Variants in TAOK3 observed in about 807,000 individuals in gnomAD.
TAOK3 encodes TAO kinase 3.
TAOK3 carries 40 observed loss-of-function variants against 120.4 expected under a neutral mutation model. That is an observed-to-expected ratio of 0.33 (90% CI 0.26 to 0.43). The LOEUF (loss-of-function observed/expected upper bound fraction) is 0.43. TAOK3 is among the 20% of genes least tolerant of loss of function. The probability of loss-of-function intolerance (pLI) is 1.00; values close to 1 mark genes in which losing one functional copy is unlikely to be tolerated. For missense variants in TAOK3, 821 were observed against 1,112.1 expected (o/e 0.74, Z 3.72); for synonymous variants, 355 against 387.5 (o/e 0.92, Z 0.99).
chr12:118,172,318 A>T lies in TAOK3; in HGVS notation c.1899+139T>A. ...GTTCATTCCCTGACTTTTTTTGTAT[A>T]CCTACTCTGTGTTAGCCACTGTGCT... On this transcript the variant is annotated intron_variant, in intron 17 of 20. Coordinates refer to ENST00000392533, the MANE Select transcript of TAOK3 (RefSeq NM_016281.4). The T allele has an allele frequency of 4.7e-6, 4 of 845,184 alleles. No individual in the cohort carries two copies. In the Admixed American group the frequency reaches 7.6e-5, roughly 16 times the overall value. The allele number at this position is 845,184 out of a possible 1,614,324, so 52.4% of individuals were successfully genotyped here.
intron 5 of TAOK3, among the ~76,000 whole-genome samples, chr12:118,239,484 A>G (rs922700191): frequency 6.6e-6 from 1 of 152,142 alleles, no homozygotes; most frequent in African/African-American, 2.4e-5. Context: ...AAATTGGCCT[A>G]AAGATTATTG....
chr12:118,298,382 A>G (rs908546828), intron 1 of TAOK3, among the ~76,000 whole-genome samples: 1 of 152,228 alleles, frequency 6.6e-6, no homozygotes, highest in Non-Finnish European at 1.5e-5. Context: ...TCCACGGACT[A>G]TACTGAATTG....
rs141414196 is a variant in TAOK3 at position 118,333,286 on chromosome 12, G to A, written c.-194+39362C>T. The stretch of plus-strand genomic sequence containing the variant: ...AACAACTAAAAATCATACTGAATAT[G>A]TCTTCTGATCATAATGAAATCAAAC... On this transcript the variant is annotated intron_variant, in intron 1 of 20. Coordinates refer to ENST00000392533, the MANE Select transcript of TAOK3 (RefSeq NM_016281.4). Among the ~76,000 whole-genome samples the A allele has an allele frequency of 4.7e-3, 717 of 152,254 alleles. 8 individuals carry two copies. Among genetic ancestry groups the A allele is most frequent in the Non-Finnish European group, 7.4e-3 (506 of 68,018 alleles).
chr12:118,209,523 C>G (rs369093774), intron 11 of TAOK3, among the ~76,000 whole-genome samples: 1 of 152,034 alleles, frequency 6.6e-6, no homozygotes, highest in African/African-American at 2.4e-5. Context: ...CTCAGCCACT[C>G]GATTAGCTGG....
rs568610990 is a variant in TAOK3 at position 118,169,323 on chromosome 12, C to G, written c.1899+3134G>C. ...GCCACCACGCCCACCCCCACCCCCC[C>G]CCCTTTTTTTTTAAAGACAGTCTCA... On this transcript the variant is annotated intron_variant, in intron 17 of 20. Coordinates refer to ENST00000392533, the MANE Select transcript of TAOK3 (RefSeq NM_016281.4). Among the ~76,000 whole-genome samples the G allele has an allele frequency of 5.8e-4, 61 of 104,982 alleles. 1 individual carries two copies. Among genetic ancestry groups the G allele is most frequent in the Non-Finnish European group, 1.0e-3 (54 of 52,824 alleles). 68.9% of individuals were successfully genotyped at this position (104,982 alleles called of 152,430 possible). A position where few individuals can be genotyped will look rare whatever the true frequency, so the allele number is the denominator to read the frequency against.
chr12:118,172,675 C>A lies in TAOK3; in HGVS notation c.1696-15G>T. The A allele has an allele frequency of 1.2e-6, 2 of 1,610,578 alleles. No individual in the cohort carries two copies. The highest frequency in any genetic ancestry group is 1.7e-6 in the Non-Finnish European group (2 of 1,177,356). On this transcript the variant is annotated splice_polypyrimidine_tract_variant and intron_variant, in intron 16 of 20. Transcript: ENST00000392533. ...TCATTCATTTCCTAAAAAGAACAGA[C>A]AAAAACCAAGCCAGCCTTACTAAAT...
intron 9 of TAOK3, among the ~76,000 whole-genome samples, chr12:118,226,395 G>A (rs1207482602): frequency 6.6e-6 from 1 of 151,848 alleles, no homozygotes; most frequent in Admixed American, 6.6e-5. Flanking sequence ...TTAGCCGGGC[G>A]TGGTGGCAGG....
chr12:118,253,132 T>A (rs928600449), intron 3 of TAOK3, among the ~76,000 whole-genome samples: 1 of 152,088 alleles, frequency 6.6e-6, no homozygotes, highest in Non-Finnish European at 1.5e-5. Flanking sequence ...GCAGAAGTAA[T>A]GGTAGGGCTG....
intron 1 of TAOK3, among the ~76,000 whole-genome samples, chr12:118,284,376 G>A (rs557285101): frequency 9.7e-4 from 148 of 152,300 alleles, no homozygotes; most frequent in Non-Finnish European, 1.6e-3. Context: ...ATGGTTCCAT[G>A]AGTGTGGAGG....
At chr12:118,184,260 A>G (rs1026024610) in intron 14 of TAOK3, among the ~76,000 whole-genome samples, 1 of 152,198 alleles carries the variant, frequency 6.6e-6, no homozygotes, top group African/African-American at 2.4e-5. Flanking sequence ...AGAGATACTA[A>G]GCTTTATAAT....
chr12:118,323,233 C>A (rs1362615723), intron 1 of TAOK3, among the ~76,000 whole-genome samples: 1 of 151,978 alleles, frequency 6.6e-6, no homozygotes, highest in African/African-American at 2.4e-5. Context: ...TGAGATCTGG[C>A]AATGAAATAG....
At chr12:118,209,887 T>C (rs1486281528) in intron 11 of TAOK3, among the ~76,000 whole-genome samples, 1 of 151,762 alleles carries the variant, frequency 6.6e-6, no homozygotes. Flanking sequence ...CTAATTTTTG[T>C]AGAGATGGGG....
chr12:118,185,204 AAATAAACAAAT>A (rs1176927396), intron 14 of TAOK3, among the ~76,000 whole-genome samples: 6 of 152,240 alleles, frequency 3.9e-5, no homozygotes, highest in Non-Finnish European at 8.8e-5. Flanking sequence ...AGAATATGAA[AAATAAACAAAT>A]AATAAATAAT....
intron 1 of TAOK3, among the ~76,000 whole-genome samples, chr12:118,351,820 T>G (rs1246443993): frequency 2.0e-5 from 3 of 151,428 alleles, no homozygotes; most frequent in African/African-American, 7.3e-5. Flanking sequence ...ATAAAAATGC[T>G]TCTTGGTTGT....
At chr12:118,291,805 A>C (rs1443628261) in intron 1 of TAOK3, among the ~76,000 whole-genome samples, 1 of 152,146 alleles carries the variant, frequency 6.6e-6, no homozygotes, top group Non-Finnish European at 1.5e-5. Flanking sequence ...TGTATACTAC[A>C]TATGAAATGA....
At chr12:118,167,594 A>C (rs1440439233) in intron 17 of TAOK3, among the ~76,000 whole-genome samples, 5 of 152,042 alleles carry the variant, frequency 3.3e-5, no homozygotes, top group Non-Finnish European at 7.4e-5. Flanking sequence ...AAAAAGAGTT[A>C]CAAAACAGTG....
intron 3 of TAOK3, among the ~76,000 whole-genome samples, chr12:118,253,986 C>T (rs1027430096): frequency 6.7e-5 from 10 of 149,182 alleles, no homozygotes; most frequent in Admixed American, 4.7e-4. Context: ...ATCCAGGAGG[C>T]GGAGGTTGCA....
chr12:118,177,401 G>A lies in TAOK3; in HGVS notation c.1567-72C>T, dbSNP rs1157232335. On this transcript the variant is annotated intron_variant, in intron 15 of 20. Coordinates refer to ENST00000392533, the MANE Select transcript of TAOK3 (RefSeq NM_016281.4). ...AGAATTCAGTGATCTATATTCTCCA[G>A]TGCAGTAAGACAGTCCATGAGTGCT... 5.1e-6 allele frequency: 7 copies of A among 1,384,306 alleles called. No individual in the cohort carries two copies. In the East Asian group the frequency reaches 1.2e-4, roughly 23 times the overall value. 85.8% of individuals were successfully genotyped at this position (1,384,306 alleles called of 1,614,324 possible).
chr12:118,314,657 T>C (rs1434926457), intron 1 of TAOK3, among the ~76,000 whole-genome samples: 1 of 152,152 alleles, frequency 6.6e-6, no homozygotes, highest in Non-Finnish European at 1.5e-5. Context: ...TGACCTTAAT[T>C]TGGAGATGGA....
Sources: gnomAD v4.1 joint callset for allele counts (sites outside exome capture counted in the v4.1 genomes callset) on GRCh38, gnomAD v4.1.1 for gene constraint, MANE v1.5 for transcripts, NCBI Gene and HGNC (gene_info 2026-07-23, HGNC 2026-07-21) for gene names.